The following TCF12 variants were observed in gnomAD, a reference collection of about 807,000 sequenced individuals.
TCF12 encodes the protein DNA-binding protein HTF4.
TCF12 carries 45 observed loss-of-function variants against 86.0 expected under a neutral mutation model. That is an observed-to-expected ratio of 0.52 (90% confidence interval 0.41 to 0.67). TCF12 has a LOEUF of 0.67. Ranked by LOEUF, TCF12 falls within the 30% of genes least tolerant of loss-of-function variation. The pLI, the probability that TCF12 is intolerant of heterozygous loss-of-function variation, is 0.00. For synonymous variants in TCF12, 330 were observed against 299.6 expected (o/e 1.10, Z -1.05); for missense variants, 881 against 859.9 (o/e 1.02, Z -0.31).
chr15:57,254,217 G>A (rs1597666189), intron 16 of TCF12, among the ~76,000 whole-genome samples: 1 of 152,168 alleles, frequency 6.6e-6, no homozygotes, highest in African/African-American at 2.4e-5. Flanking sequence ...CTACGAAGCA[G>A]ATTTTTAGCT....
upstream of TCF12, chr15:56,918,202 C>T (rs1327022682): frequency 2.2e-6 from 1 of 456,260 alleles, no homozygotes; most frequent in Admixed American, 2.3e-5. Context: ...TCCAGCGTGA[C>T]CTACTCGGGA....
At chr15:57,155,481 C>G (rs1311137907) in intron 5 of TCF12, among the ~76,000 whole-genome samples, 1 of 152,122 alleles carries the variant, frequency 6.6e-6, no homozygotes, top group African/African-American at 2.4e-5. Flanking sequence ...ATTTTGTCCT[C>G]ATGTAGCAAG....
intron 12 of TCF12, among the ~76,000 whole-genome samples, chr15:57,236,224 C>T (rs1318707216): frequency 2.0e-5 from 3 of 152,118 alleles, no homozygotes; most frequent in South Asian, 2.1e-4. Flanking sequence ...ACTTCCCAGC[C>T]GGACACCTCC....
chr15:56,988,187 G>C (rs910231584), intron 3 of TCF12, among the ~76,000 whole-genome samples: 1 of 152,176 alleles, frequency 6.6e-6, no homozygotes, highest in Non-Finnish European at 1.5e-5. Context: ...ATATAGTCAT[G>C]TGTCACTTGA....
chr15:56,925,932 A>C (rs1317983280), intron 3 of TCF12, among the ~76,000 whole-genome samples: 1 of 152,224 alleles, frequency 6.6e-6, no homozygotes, highest in African/African-American at 2.4e-5. Flanking sequence ...TCTCATTTTT[A>C]TCAGTTAACT....
At chr15:57,033,754 T>A (rs2066341827) in intron 3 of TCF12, among the ~76,000 whole-genome samples, 1 of 152,192 alleles carries the variant, frequency 6.6e-6, no homozygotes, top group Non-Finnish European at 1.5e-5. Flanking sequence ...ATTCTAAAGA[T>A]GTACCATTAA....
At chr15:57,123,157 TA>T (rs2051360565) in intron 5 of TCF12, among the ~76,000 whole-genome samples, 2 of 152,244 alleles carry the variant, frequency 1.3e-5, no homozygotes, top group African/African-American at 2.4e-5. Context: ...AGCTCTTTGC[TA>T]TGTCAGAAAA....
intron 5 of TCF12, among the ~76,000 whole-genome samples, chr15:57,161,980 C>T (rs1217600711): frequency 2.0e-5 from 3 of 152,058 alleles, no homozygotes; most frequent in Non-Finnish European, 2.9e-5. Context: ...CATTTATAAT[C>T]GTGATTCTGA....
intron 6 of TCF12, among the ~76,000 whole-genome samples, chr15:57,168,937 T>G (rs1401449081): frequency 6.6e-6 from 1 of 152,086 alleles, no homozygotes; most frequent in South Asian, 2.1e-4. Flanking sequence ...TCCCAGCTAC[T>G]TGGGAAGCTG....
intron 5 of TCF12, among the ~76,000 whole-genome samples, chr15:57,121,832 A>G (rs974482062): frequency 2.6e-5 from 4 of 152,270 alleles, no homozygotes; most frequent in Admixed American, 2.6e-4. Flanking sequence ...AAAAAGGAAT[A>G]ATGTTCATGG....
chr15:56,919,459 C>G (rs550337887), intron 1 of TCF12: 1 of 154,210 alleles, frequency 6.5e-6, no homozygotes, highest in South Asian at 2.0e-4. Flanking sequence ...CTATTGTTGC[C>G]GAGCGAGTGA....
intron 5 of TCF12, among the ~76,000 whole-genome samples, chr15:57,124,711 T>C (rs1201503762): frequency 1.4e-4 from 22 of 151,844 alleles, no homozygotes; most frequent in African/African-American, 5.1e-4. Flanking sequence ...AGAGTCTCAC[T>C]CTGTTGCCCA....
chr15:57,183,948 T>G (rs1284926458), intron 6 of TCF12, among the ~76,000 whole-genome samples: 5 of 152,180 alleles, frequency 3.3e-5, no homozygotes, highest in African/African-American at 1.2e-4. Flanking sequence ...GAAATACACT[T>G]CCTGTTCATC....
chr15:56,942,800 C>T lies in TCF12; in HGVS notation c.148+21702C>T, dbSNP rs76311016. Among the ~76,000 whole-genome samples, 716 of 152,116 alleles carry T rather than the reference C, an allele frequency of 4.7e-3. 4 individuals are homozygous for T. The highest frequency in any genetic ancestry group is 0.016 in the African/African-American group (674 of 41,514). Reference sequence around the variant, plus strand: ...TTTCTTTCTTTAAAGACTTTATTGGCTTTTTAATGAAATTGTCAGTTCAGA... The same window carrying T: ...TTTCTTTCTTTAAAGACTTTATTGGTTTTTTAATGAAATTGTCAGTTCAGA... On this transcript the variant is annotated intron_variant, in intron 3 of 20. Coordinates refer to ENST00000333725, the MANE Select transcript of TCF12 (RefSeq NM_207037.2).
chr15:57,082,472 T>C (rs1440008116), intron 4 of TCF12, among the ~76,000 whole-genome samples: 2 of 152,248 alleles, frequency 1.3e-5, no homozygotes, highest in African/African-American at 2.4e-5. Flanking sequence ...TTAACAAATG[T>C]GTCTTGAACA....
chr15:57,103,495 T>C (rs1596539998), intron 5 of TCF12, among the ~76,000 whole-genome samples: 2 of 152,156 alleles, frequency 1.3e-5, no homozygotes, highest in Non-Finnish European at 2.9e-5. Flanking sequence ...TTGGAAAAGT[T>C]AAACGCAAAT....
At position 56,921,117 on chromosome 15, in the gene TCF12, C is replaced by T; in HGVS notation, c.148+19C>T. The T allele has an allele frequency of 1.9e-6, 3 of 1,575,180 alleles. No individual in the cohort carries two copies. The highest frequency in any genetic ancestry group is 2.6e-6 in the Non-Finnish European group (3 of 1,158,900). ...GGATCAGGTAAGATGATGTCTTAAA[C>T]TAAAGACTCATATTTTGGTGGTGTG... On this transcript the variant is annotated intron_variant, in intron 3 of 20. Coordinates refer to ENST00000333725, the MANE Select transcript of TCF12 (RefSeq NM_207037.2).
intron 16 of TCF12, among the ~76,000 whole-genome samples, chr15:57,257,881 G>A (rs2060422154): frequency 6.6e-6 from 1 of 152,042 alleles, no homozygotes; most frequent in Non-Finnish European, 1.5e-5. Flanking sequence ...AGAGTTTTTA[G>A]AACTATTGAA....
At chr15:57,137,339 C>T (rs1207656624) in intron 5 of TCF12, among the ~76,000 whole-genome samples, 1 of 152,156 alleles carries the variant, frequency 6.6e-6, no homozygotes, top group East Asian at 1.9e-4. Flanking sequence ...CACATTTTTC[C>T]CCATGTATTT....
Sources: allele counts gnomAD v4.1 joint callset (sites outside exome capture counted in the v4.1 genomes callset), GRCh38; gene constraint gnomAD v4.1.1; transcripts MANE v1.5; gene names NCBI Gene and HGNC (gene_info 2026-07-23, HGNC 2026-07-21).